SDK1: variants seen among roughly 807,000 people sequenced by gnomAD.
The protein encoded by SDK1 is protein sidekick-1.
A neutral mutation model predicts 245.5 loss-of-function variants in SDK1; 157 were observed. That is an observed-to-expected ratio of 0.64 (90% CI 0.56 to 0.73). The LOEUF is 0.73. Ranked by LOEUF, SDK1 falls within the 30% of genes least tolerant of loss-of-function variation. SDK1 has a pLI of 0.00. For synonymous variants in SDK1, 1,647 were observed against 1,278.5 expected (o/e 1.29, Z -6.15); for missense variants, 3,583 against 3,002.3 (o/e 1.19, Z -4.52).
chr7:4,054,743 A>AT (rs536290841), intron 19 of SDK1, among the ~76,000 whole-genome samples: 20 of 148,796 alleles, frequency 1.3e-4, no homozygotes, highest in African/African-American at 2.7e-4. Flanking sequence ...ACTGTTAAGG[A>AT]TTTTTTTTTT....
chr7:3,489,596 G>C (rs1461618090), intron 1 of SDK1, among the ~76,000 whole-genome samples: 1 of 152,224 alleles, frequency 6.6e-6, no homozygotes, highest in Non-Finnish European at 1.5e-5. Flanking sequence ...TCTGGAGATA[G>C]ATGGAAGTGT....
intron 35 of SDK1, among the ~76,000 whole-genome samples, chr7:4,185,142 C>G (rs561433330): frequency 7.7e-4 from 118 of 152,290 alleles, no homozygotes; most frequent in African/African-American, 2.6e-3. Context: ...AGATCCAGTG[C>G]GACAGTCAGA....
chr7:4,171,273 C>T (rs1215855706), intron 32 of SDK1, among the ~76,000 whole-genome samples: 3 of 152,228 alleles, frequency 2.0e-5, no homozygotes, highest in African/African-American at 7.2e-5. Flanking sequence ...CTCATCTGTG[C>T]TGGCTCACTT....
At chr7:3,355,858 T>C (rs68115111) in intron 1 of SDK1, among the ~76,000 whole-genome samples, 17,315 of 152,272 alleles carry the variant, frequency 0.11, 1,350 homozygotes, top group African/African-American at 0.22. Context: ...CTTTGCAGCA[T>C]GTCTGCAGTC....
chr7:4,225,303 A>G (rs1403026878), intron 40 of SDK1, among the ~76,000 whole-genome samples: 4 of 152,094 alleles, frequency 2.6e-5, no homozygotes, highest in African/African-American at 7.2e-5. Context: ...CTACCTCAAA[A>G]TGATATGTTT....
At chr7:3,667,131 A>T (rs6964347) in intron 4 of SDK1, among the ~76,000 whole-genome samples, 2 of 151,654 alleles carry the variant, frequency 1.3e-5, no homozygotes, top group East Asian at 3.9e-4. Flanking sequence ...TGTCTTGTGC[A>T]TATCTGTGTA....
intron 1 of SDK1, among the ~76,000 whole-genome samples, chr7:3,430,331 T>A (rs1779804443): frequency 6.6e-6 from 1 of 152,174 alleles, no homozygotes; most frequent in African/African-American, 2.4e-5. Flanking sequence ...TAATTAAGGT[T>A]ATTTTGATAG....
chr7:3,798,807 T>C (rs753912037), intron 4 of SDK1, among the ~76,000 whole-genome samples: 1 of 152,206 alleles, frequency 6.6e-6, no homozygotes, highest in African/African-American at 2.4e-5. Context: ...AGTGACTTTG[T>C]GGACACACAT....
chr7:4,109,447 C>A (rs115588569), intron 22 of SDK1, among the ~76,000 whole-genome samples: 4 of 152,232 alleles, frequency 2.6e-5, no homozygotes, highest in Admixed American at 6.5e-5. Flanking sequence ...TTAGTGAGCA[C>A]GTTTCCTATC....
At chr7:3,824,131 G>C (rs893528603) in intron 5 of SDK1, among the ~76,000 whole-genome samples, 13 of 152,228 alleles carry the variant, frequency 8.5e-5, no homozygotes, top group Middle Eastern at 3.4e-3. Context: ...CCTGCTCCTG[G>C]TGAGGGTGTG....
chr7:4,239,287 C>T (rs1388111621), intron 42 of SDK1, among the ~76,000 whole-genome samples: 2 of 152,194 alleles, frequency 1.3e-5, no homozygotes, highest in Non-Finnish European at 2.9e-5. Flanking sequence ...AGGCAGAATC[C>T]TGCTTGCCTG....
intron 4 of SDK1, among the ~76,000 whole-genome samples, chr7:3,652,472 C>T (rs191537099): frequency 1.1e-4 from 16 of 152,284 alleles, no homozygotes; most frequent in African/African-American, 3.8e-4. Flanking sequence ...TCTAACAGGA[C>T]GGAGCCAGAA....
At chr7:3,773,571 T>C (rs2115002601) in intron 4 of SDK1, among the ~76,000 whole-genome samples, 1 of 152,340 alleles carries the variant, frequency 6.6e-6, no homozygotes, top group South Asian at 2.1e-4. Context: ...TTTTTTTCTT[T>C]AAATGAGTGA....
intron 1 of SDK1, among the ~76,000 whole-genome samples, chr7:3,550,986 G>T (rs1023241184): frequency 3.9e-5 from 6 of 152,326 alleles, no homozygotes; most frequent in African/African-American, 1.4e-4. Context: ...ATGTATAGCA[G>T]TGTTGAGTGA....
In SDK1 at chr7:4,049,394, C is replaced by T. The variant is rs758283711; in HGVS notation, c.2649C>T (p.Ser883=). 61 of 1,614,046 alleles carry T rather than the reference C, an allele frequency of 3.8e-5. No individual in the cohort carries two copies. The highest frequency in any genetic ancestry group is 4.9e-5 in the Non-Finnish European group (58 of 1,180,036). Residue 883 remains serine (S), a synonymous_variant, in exon 18 of 45, where the codon TCC becomes TCT. Transcript: ENST00000404826. ...PQNVQTEAVN[S]TTIQFLWNPP... is the part of the protein sequence containing the mutation. ...ACGTGCAGACGGAAGCCGTGAACTCCACCACCATTCAGTTCCTGTGGAACC... is the reference window on the plus strand; with the variant it reads ...ACGTGCAGACGGAAGCCGTGAACTCTACCACCATTCAGTTCCTGTGGAACC...
rs1785328821 is a variant in SDK1 at position 3,720,243 on chromosome 7, G to A, written c.713+78138G>A. Among the ~76,000 whole-genome samples, 4 of 152,030 alleles carry A rather than the reference G, an allele frequency of 2.6e-5. No individual in the cohort carries two copies. In the South Asian group the frequency reaches 6.2e-4, roughly 24 times the overall value. ...TGCACTCCAGCCTGGGCGACAGAGCGAGACTCTGTGTCAAAAAACAACAAC... is the reference window on the plus strand; with the variant it reads ...TGCACTCCAGCCTGGGCGACAGAGCAAGACTCTGTGTCAAAAAACAACAAC... On this transcript the variant is annotated intron_variant, in intron 4 of 44. Transcript: ENST00000404826.
intron 28 of SDK1, among the ~76,000 whole-genome samples, chr7:4,137,914 G>A (rs754022592): frequency 6.6e-6 from 1 of 152,096 alleles, no homozygotes; most frequent in Non-Finnish European, 1.5e-5. Context: ...CTGCTCCTTT[G>A]TGCCATTTAT....
At chr7:3,974,806 TTTTTCCCGTGGACACC>T (rs1782782836) in intron 13 of SDK1, 1 of 398,550 alleles carries the variant, frequency 2.5e-6, no homozygotes, top group East Asian at 4.7e-5. Flanking sequence ...TTTTGTCATA[TTTTTCCCGTGGACACC>T]TTATCCTGAT....
chr7:3,796,523 C>G (rs540243761), intron 4 of SDK1, among the ~76,000 whole-genome samples: 1 of 152,158 alleles, frequency 6.6e-6, no homozygotes, highest in South Asian at 2.1e-4. Flanking sequence ...CCCCTCTCCC[C>G]CCCAGCCTAC....
Sources: gnomAD v4.1 joint callset for allele counts (sites outside exome capture counted in the v4.1 genomes callset) on GRCh38, gnomAD v4.1.1 for gene constraint, MANE v1.5 for transcripts, NCBI Gene and HGNC (gene_info 2026-07-23, HGNC 2026-07-21) for gene names.